The following PTPRR variants were observed in gnomAD, a reference collection of about 807,000 sequenced individuals.
PTPRR encodes receptor-type tyrosine-protein phosphatase R.
Under a neutral mutation model 77.2 loss-of-function variants are expected in PTPRR, and 38 were observed. The observed-to-expected ratio is 0.49, with a 90% CI of 0.38 to 0.65. The LOEUF (loss-of-function observed/expected upper bound fraction) is 0.65, where lower values mean the gene tolerates loss of function less well. PTPRR is among the 30% of genes least tolerant of loss of function. The pLI, the probability that PTPRR is intolerant of heterozygous loss-of-function variation, is 0.00. For missense variants in PTPRR, 744 were observed against 799.2 expected (o/e 0.93, Z 0.83); for synonymous variants, 299 against 283.1 (o/e 1.06, Z -0.57).
In PTPRR at chr12:70,761,480, G is replaced by T; in HGVS notation, c.618C>A (p.Val206=). ...TCGTGCAACAACATACCTCAGGAGA[G>T]ACTTCTGTAATTCCAAACTGGGATA... ...QSLSQFGITE[V]SPEKNVLQGQ... The change falls in exon 4 of 14, where the codon GTC becomes GTA. Residue 206 remains valine, a synonymous_variant. Coordinates refer to ENST00000283228, the MANE Select transcript of PTPRR (RefSeq NM_002849.4). The T allele has an allele frequency of 6.2e-7, 1 of 1,605,684 alleles. No individual in the cohort carries two copies. The highest frequency in any genetic ancestry group is 1.7e-4 in the Middle Eastern group (1 of 6,024).
chr12:70,662,468 T>C, intron 11 of PTPRR, 27 bp downstream of exon 11: 1 of 1,362,424 alleles, frequency 7.3e-7, no homozygotes, highest in Non-Finnish European at 1.0e-6. Context: ...ATCTACTTTG[T>C]AGATGGCTAT....
intron 1 of PTPRR, among the ~76,000 whole-genome samples, chr12:70,917,012 T>A (rs549489379): frequency 7.2e-5 from 11 of 152,292 alleles, no homozygotes; most frequent in Admixed American, 6.5e-4. Flanking sequence ...TTTTAATATA[T>A]CTCAAAAATG....
At chr12:70,684,824 C>T (rs770482487) in intron 8 of PTPRR, 41 bp from the exon 9 acceptor site, 8 of 1,440,092 alleles carry the variant, frequency 5.6e-6, no homozygotes, top group Non-Finnish European at 7.7e-6. Flanking sequence ...AACAGATTTA[C>T]CCTTTTTAAA....
intron 2 of PTPRR, among the ~76,000 whole-genome samples, chr12:70,845,777 G>C (rs1203079296): frequency 6.6e-6 from 1 of 152,102 alleles, no homozygotes; most frequent in Non-Finnish European, 1.5e-5. Context: ...AGAAGGGAGG[G>C]CAATTCGCTA....
chr12:70,898,422 T>C lies in PTPRR; in HGVS notation c.59-5445A>G, dbSNP rs571446362. Among the ~76,000 whole-genome samples, 9 of 150,442 alleles carry C rather than the reference T, an allele frequency of 6.0e-5. No homozygotes were observed. The South Asian group carries it at 1.9e-3, about 31-fold the overall frequency. On this transcript the variant is annotated intron_variant, in intron 1 of 13. Transcript: ENST00000283228. ...ATTTATATTGTTTTTCTACAGTTTA[T>C]GTTTTTCTTTTCATCATCATTTAGT...
At chr12:70,695,802 G>A (rs1888211620) in intron 8 of PTPRR, among the ~76,000 whole-genome samples, 2 of 151,948 alleles carry the variant, frequency 1.3e-5, no homozygotes, top group Non-Finnish European at 2.9e-5. Context: ...ATCCCCTTTG[G>A]CCAAGTATAG....
intron 10 of PTPRR, chr12:70,672,225 C>A: frequency 6.3e-7 from 1 of 1,585,852 alleles, no homozygotes; most frequent in South Asian, 1.1e-5. Flanking sequence ...GCTCCAGCCA[C>A]ATGGCCAGAT....
intron 9 of PTPRR, 70 bp from the exon 10 acceptor site, chr12:70,684,334 G>A (rs1255415198): frequency 6.6e-7 from 1 of 1,518,824 alleles, no homozygotes; most frequent in East Asian, 2.3e-5. Context: ...GTAGGTGAAA[G>A]ATCTTCAACG....
chr12:70,867,273 T>C (rs950737548), intron 2 of PTPRR, among the ~76,000 whole-genome samples: 73 of 152,192 alleles, frequency 4.8e-4, no homozygotes, highest in African/African-American at 1.5e-3. Context: ...GATGACATGA[T>C]TGTATATCTA....
chr12:70,847,036 C>G (rs765888249), intron 2 of PTPRR, among the ~76,000 whole-genome samples: 1 of 152,086 alleles, frequency 6.6e-6, no homozygotes, highest in Non-Finnish European at 1.5e-5. Context: ...ATCCTAGTGC[C>G]TGACATCTTG....
intron 4 of PTPRR, chr12:70,754,826 A>G: frequency 8.3e-7 from 1 of 1,197,728 alleles, no homozygotes; most frequent in South Asian, 1.5e-5. Flanking sequence ...TTTTTTTTTC[A>G]AATAGAGTCT....
chr12:70,762,412 T>C (rs1890713997), intron 3 of PTPRR, among the ~76,000 whole-genome samples: 2 of 152,166 alleles, frequency 1.3e-5, no homozygotes, highest in Admixed American at 6.5e-5. Flanking sequence ...TTCTGACACA[T>C]GGAGAGCTCT....
intron 7 of PTPRR, among the ~76,000 whole-genome samples, chr12:70,699,801 G>A (rs1487783178): frequency 6.6e-6 from 1 of 152,170 alleles, no homozygotes; most frequent in Admixed American, 6.5e-5. Context: ...GCACGTCAGT[G>A]TCTTTGGGCA....
chr12:70,818,924 T>A lies in PTPRR; in HGVS notation c.358-54146A>T, dbSNP rs1482799994. 2.0e-5 allele frequency among the ~76,000 whole-genome samples: 3 copies of A among 152,206 alleles called. No homozygotes were observed. In the East Asian group the frequency reaches 5.8e-4, roughly 29 times the overall value. ...TGAACAGCCTTATCCAAACTTGTAA[T>A]TTGATTAAATTCTACAAACATGTAC... On this transcript the variant is annotated intron_variant, in intron 2 of 13. Transcript: ENST00000283228.
At chr12:70,713,694 T>C (rs1888916873) in intron 6 of PTPRR, among the ~76,000 whole-genome samples, 1 of 152,128 alleles carries the variant, frequency 6.6e-6, no homozygotes, top group Admixed American at 6.6e-5. Context: ...TTTATATATA[T>C]TCTGTGGATA....
intron 2 of PTPRR, among the ~76,000 whole-genome samples, chr12:70,768,060 C>G (rs576475918): frequency 3.0e-4 from 45 of 152,146 alleles, no homozygotes; most frequent in Admixed American, 1.6e-3. Flanking sequence ...CAAGAGAAAG[C>G]AGGAAAGATC....
At chr12:70,774,138 C>G (rs1384906351) in intron 2 of PTPRR, among the ~76,000 whole-genome samples, 1 of 151,872 alleles carries the variant, frequency 6.6e-6, no homozygotes, top group African/African-American at 2.4e-5. Context: ...CCTTCCCTTG[C>G]AAGGCCAAAG....
chr12:70,775,907 C>G (rs1039923055), intron 2 of PTPRR, among the ~76,000 whole-genome samples: 2 of 152,124 alleles, frequency 1.3e-5, no homozygotes, highest in African/African-American at 2.4e-5. Flanking sequence ...GAGTAGAGAA[C>G]GCTGACCTGT....
intron 2 of PTPRR, among the ~76,000 whole-genome samples, chr12:70,872,564 C>T (rs185393253): frequency 4.6e-5 from 7 of 151,494 alleles, no homozygotes; most frequent in Non-Finnish European, 5.9e-5. Flanking sequence ...GGCGTGGTGG[C>T]GGGTGCCTGT....
Sources: gnomAD v4.1 joint callset for allele counts (sites outside exome capture counted in the v4.1 genomes callset) on GRCh38, gnomAD v4.1.1 for gene constraint, MANE v1.5 for transcripts, NCBI Gene and HGNC (gene_info 2026-07-23, HGNC 2026-07-21) for gene names.